Variants in FRMPD1 observed in about 807,000 individuals in gnomAD.
FRMPD1 encodes the protein FERM and PDZ domain-containing protein 1.
A neutral mutation model predicts 117.8 loss-of-function variants in FRMPD1; 76 were observed. The ratio of observed to expected loss-of-function variants is 0.65; its 90% CI spans 0.54 to 0.78. FRMPD1 has a LOEUF of 0.78. Among genes scored for constraint, FRMPD1 ranks in the 30% least tolerant of loss-of-function variants. The pLI is 0.00. For missense variants in FRMPD1, 1,786 were observed against 1,964.5 expected, an observed-to-expected ratio of 0.91 and a Z score of 1.72; for synonymous variants, 783 against 770.4, an observed-to-expected ratio of 1.02 and a Z score of -0.27.
chr9:37,677,258 C>A (rs1185430956), intron 1 of FRMPD1, among the ~76,000 whole-genome samples: 1 of 152,156 alleles, frequency 6.6e-6, no homozygotes, highest in Non-Finnish European at 1.5e-5. Context: ...GCCCTGCAAG[C>A]CATTCTTGGT....
Position 37,741,450 on chromosome 9 carries a change from GACACACAC to G in FRMPD1, c.2356+601_2356+608del, listed in dbSNP as rs56971939. ...CCAAGCAGAACTGAGATCCTGGCAG[GACACACAC>G]ACACACACACACACACACACACACA... On this transcript the variant is annotated intron_variant, in intron 15 of 15. Transcript: ENST00000377765. Among the ~76,000 whole-genome samples, 484 of 135,722 alleles carry G rather than the reference GACACACAC, an allele frequency of 3.6e-3. 1 individual carries two copies. Among genetic ancestry groups the G allele is most frequent in the African/African-American group, 0.012 (439 of 35,992 alleles). The allele number at this position is 135,722 out of a possible 152,430, so 89.0% of individuals were successfully genotyped here. A position where few individuals can be genotyped will look rare whatever the true frequency, so the allele number is the denominator to read the frequency against.
At chr9:37,639,937 C>T in the FRMPD1 span, among the ~76,000 whole-genome samples, 1 of 152,170 alleles carries the variant, frequency 6.6e-6, no homozygotes, top group East Asian at 1.9e-4. Flanking sequence ...AACAGAATTG[C>T]ATATACTTAA....
rs766618948 is a variant in FRMPD1, at chr9:37,744,448, A to G, written c.2416A>G (p.Thr806Ala). Residue 806 changes from threonine (T) to alanine (A), a missense_variant, in exon 16 of 16, where the codon ACT becomes GCT. By Grantham distance (58) the Thr-to-Ala change is moderately conservative. Coordinates refer to ENST00000377765, the MANE Select transcript of FRMPD1 (RefSeq NM_014907.3). The part of the protein sequence containing the change: ...SATSLQNKAS[T>A]SSPENSLPCG... ...CACAAGCTTGCAGAATAAGGCCAGC[A>G]CTTCTAGCCCTGAGAACAGCCTGCC... 2 of 1,614,008 alleles carry G rather than the reference A, an allele frequency of 1.2e-6. No homozygotes were observed. Among genetic ancestry groups the G allele is most frequent in the Non-Finnish European group, 8.5e-7 (1 of 1,179,944 alleles).
At chr9:37,644,356 C>A in the FRMPD1 span, among the ~76,000 whole-genome samples, 1 of 152,232 alleles carries the variant, frequency 6.6e-6, no homozygotes, top group Non-Finnish European at 1.5e-5. Flanking sequence ...TTCTCAGGCT[C>A]CTGGGCCTTT....
the FRMPD1 span, among the ~76,000 whole-genome samples, chr9:37,622,405 T>C: frequency 6.6e-6 from 1 of 152,332 alleles, no homozygotes; most frequent in Non-Finnish European, 1.5e-5. Flanking sequence ...AATTATCTCA[T>C]TAGAATTGGA....
intron 1 of FRMPD1, among the ~76,000 whole-genome samples, chr9:37,683,532 G>A (rs747442768): frequency 1.3e-5 from 2 of 152,206 alleles, no homozygotes; most frequent in Middle Eastern, 3.2e-3. Flanking sequence ...AGTGTGAGTA[G>A]GAATTTGATG....
the FRMPD1 span, among the ~76,000 whole-genome samples, chr9:37,604,118 T>C: frequency 2.0e-5 from 3 of 152,216 alleles, no homozygotes; most frequent in Non-Finnish European, 2.9e-5. Context: ...CTGTTAAGTG[T>C]GCGAATTAAA....
rs1398355604 is a variant in FRMPD1 at position 37,740,345 on chromosome 9, G to C, written c.1817G>C (p.Ser606Thr). The part of the protein sequence containing the change: ...ESRGYRTSGS[S>T]ESMDALEEDD... Reference sequence around the variant, plus strand: ...CGCGGCTACAGGACCAGTGGCTCGAGTGAGTCCATGGACGCTCTGGAAGAG... The same window carrying C: ...CGCGGCTACAGGACCAGTGGCTCGACTGAGTCCATGGACGCTCTGGAAGAG... Residue 606 changes from serine to threonine, a missense_variant, in exon 15 of 16, where the codon AGT becomes ACT. Coordinates refer to ENST00000377765, the MANE Select transcript of FRMPD1 (RefSeq NM_014907.3). This position sits in a 1 kb window ranked among gnomAD's most constrained non-coding sequence, Gnocchi z 4.2. The C allele has an allele frequency of 4.3e-6, 7 of 1,613,700 alleles. No homozygotes were observed. Among genetic ancestry groups the C allele is most frequent in the Non-Finnish European group, 5.9e-6 (7 of 1,180,010 alleles).
chr9:37,650,697 C>T (rs1244808635), upstream of FRMPD1, among the ~76,000 whole-genome samples: 1 of 152,144 alleles, frequency 6.6e-6, no homozygotes, highest in African/African-American at 2.4e-5. Context: ...CCTGGGTACT[C>T]AGCGGACGCT....
At position 37,740,568 on chromosome 9, in the gene FRMPD1, G is replaced by A. The variant is rs1466360883; in HGVS notation, c.2040G>A (p.Leu680=). 1.9e-6 allele frequency: 3 copies of A among 1,614,206 alleles called. No individual in the cohort carries two copies. The highest frequency in any genetic ancestry group is 4.5e-5 in the East Asian group (2 of 44,882). ...QKTEFSESAA[L]ETFGWAPELS... ...CAGAGTTTTCCGAGAGTGCTGCTTT[G>A]GAGACATTTGGCTGGGCACCAGAAC... is the stretch of plus-strand genomic sequence containing the variant. The change falls in exon 15 of 16, where the codon TTG becomes TTA. Residue 680 remains leucine (L), a synonymous_variant. Transcript: ENST00000377765. This position sits in a 1 kb window ranked among gnomAD's most constrained non-coding sequence, Gnocchi z 4.2.
chr9:37,664,860 C>A (rs1210474978), intron 1 of FRMPD1, among the ~76,000 whole-genome samples: 1 of 152,080 alleles, frequency 6.6e-6, no homozygotes. Flanking sequence ...ACCAAGGGAG[C>A]ATAATTGGGA....
At chr9:37,726,863 C>T (rs544932174) in intron 7 of FRMPD1, among the ~76,000 whole-genome samples, 2 of 152,104 alleles carry the variant, frequency 1.3e-5, no homozygotes, top group South Asian at 2.1e-4. Context: ...GGACAGAAGC[C>T]GTGTGGTACA....
chr9:37,697,338 G>T (rs1588936876), intron 2 of FRMPD1, among the ~76,000 whole-genome samples: 1 of 152,088 alleles, frequency 6.6e-6, no homozygotes, highest in Non-Finnish European at 1.5e-5. Flanking sequence ...AGTGGTTCAT[G>T]CCTGTAATCC....
intron 5 of FRMPD1, among the ~76,000 whole-genome samples, chr9:37,712,395 G>T (rs1036568611): frequency 6.6e-6 from 1 of 152,070 alleles, no homozygotes; most frequent in Non-Finnish European, 1.5e-5. Context: ...CACTCCCGTC[G>T]TGCAGACTGG....
At chr9:37,674,685 G>A (rs1258661501) in intron 1 of FRMPD1, among the ~76,000 whole-genome samples, 1 of 152,194 alleles carries the variant, frequency 6.6e-6, no homozygotes, top group African/African-American at 2.4e-5. Flanking sequence ...GGAGGCGAAA[G>A]GCACTTCTTA....
rs1387510751 is a variant in FRMPD1, at chr9:37,731,573, G to A, written c.858+470G>A. Among the ~76,000 whole-genome samples, 5 of 152,084 alleles carry A rather than the reference G, an allele frequency of 3.3e-5. No homozygotes were observed. The South Asian group carries it at 8.3e-4, about 25-fold the overall frequency. On this transcript the variant is annotated intron_variant, in intron 9 of 15. Transcript: ENST00000377765. ...GTTATGATGCCATTTTTATTCTGAT[G>A]AAAAATAATCATTTGGAGCCGGGTG...
intron 13 of FRMPD1, 70 bp from the exon 14 acceptor site, chr9:37,737,026 G>A (rs1824166288): frequency 8.2e-7 from 1 of 1,218,840 alleles, no homozygotes; most frequent in African/African-American, 1.5e-5. Context: ...GGTCCCACAT[G>A]GCTTTGTTGT....
intron 4 of FRMPD1, 21 bp downstream of exon 4, chr9:37,708,522 A>G: frequency 7.6e-7 from 1 of 1,314,720 alleles, no homozygotes; most frequent in Non-Finnish European, 1.1e-6. Flanking sequence ...GTCTTCCATC[A>G]TCTACAGAAT....
intron 5 of FRMPD1, among the ~76,000 whole-genome samples, chr9:37,713,989 CTG>C (rs1823009832): frequency 6.6e-6 from 1 of 152,154 alleles, no homozygotes; most frequent in Admixed American, 6.5e-5. Context: ...TGTCTCCTCT[CTG>C]TATTTGACAA....
Sources: gnomAD v4.1 joint callset for allele counts (sites outside exome capture counted in the v4.1 genomes callset) on GRCh38, gnomAD v4.1.1 for gene constraint, Gnocchi (gnomAD v3.1) non-coding constraint, MANE v1.5 for transcripts, NCBI Gene and HGNC (gene_info 2026-07-23, HGNC 2026-07-21) for gene names.